Variants in DCC observed in about 807,000 individuals in gnomAD.
DCC encodes the protein netrin receptor DCC.
Under a neutral mutation model 172.5 loss-of-function variants are expected in DCC, and 58 were observed. That is an observed-to-expected ratio of 0.34 (90% CI 0.27 to 0.42). DCC has a LOEUF of 0.42. Among genes scored for constraint, DCC ranks in the 10% least tolerant of loss-of-function variants. DCC has a pLI of 1.00. For missense variants in DCC, 1,740 were observed against 1,791.0 expected (o/e 0.97, Z 0.51); for synonymous variants, 709 against 644.5 (o/e 1.10, Z -1.52).
intron 2 of DCC, among the ~76,000 whole-genome samples, chr18:52,829,736 G>C (rs2038579177): frequency 6.6e-6 from 1 of 152,034 alleles, no homozygotes; most frequent in Admixed American, 6.6e-5. Flanking sequence ...TTTTTGCCAG[G>C]AACTGTTCTA....
At chr18:52,794,351 GT>G (rs2037832300) in intron 2 of DCC, among the ~76,000 whole-genome samples, 1 of 151,882 alleles carries the variant, frequency 6.6e-6, no homozygotes, top group Admixed American at 6.6e-5. Flanking sequence ...TTTTTTTGTA[GT>G]TGTAGAAGTC....
In DCC at chr18:53,530,949, G is replaced by A; in HGVS notation, c.*296G>A. 1 of 496,878 alleles carries A rather than the reference G, an allele frequency of 2.0e-6. No homozygotes were observed. Among genetic ancestry groups the A allele is most frequent in the Non-Finnish European group, 3.7e-6 (1 of 271,694 alleles). 30.8% of individuals were successfully genotyped at this position (496,878 alleles called of 1,614,324 possible). The stretch of plus-strand genomic sequence containing the variant: ...AGTCATGGGCCTTTGTCACTGCAGT[G>A]ACCACACTGTCATAACTAATACCTA... On this transcript the variant is annotated 3_prime_UTR_variant, in exon 29 of 29. Transcript: ENST00000442544.
Position 52,448,460 on chromosome 18 carries a change from G to C in DCC, c.91+107582G>C, listed in dbSNP as rs79646469. Among the ~76,000 whole-genome samples, 50 of 151,440 alleles carry C rather than the reference G, an allele frequency of 3.3e-4. No homozygotes were observed. The East Asian group carries it at 9.3e-3, about 28-fold the overall frequency. ...GGAAATACTGATAGATAAATTTATAGAGTTTTTTTTTTAATTATTGGCTAA... is the reference window on the plus strand; with the variant it reads ...GGAAATACTGATAGATAAATTTATACAGTTTTTTTTTTAATTATTGGCTAA... On this transcript the variant is annotated intron_variant, in intron 1 of 28. Coordinates refer to ENST00000442544, the MANE Select transcript of DCC (RefSeq NM_005215.4).
chr18:53,132,417 A>T (rs1206545943), intron 7 of DCC, among the ~76,000 whole-genome samples: 1 of 152,018 alleles, frequency 6.6e-6, no homozygotes, highest in Non-Finnish European at 1.5e-5. Flanking sequence ...TTCACATTTC[A>T]TCTAGAAAGA....
intron 5 of DCC, among the ~76,000 whole-genome samples, chr18:53,045,979 C>T (rs184339728): frequency 2.0e-5 from 3 of 151,858 alleles, no homozygotes; most frequent in Admixed American, 6.6e-5. Context: ...CTAACCTGTC[C>T]GTTTCACACA....
At chr18:52,631,382 G>T (rs1178177059) in intron 1 of DCC, among the ~76,000 whole-genome samples, 1 of 152,196 alleles carries the variant, frequency 6.6e-6, no homozygotes, top group East Asian at 1.9e-4. Context: ...TCAATAGGAG[G>T]TCTCCAAAAT....
At chr18:52,478,288 C>A (rs1337020334) in intron 1 of DCC, among the ~76,000 whole-genome samples, 1 of 152,148 alleles carries the variant, frequency 6.6e-6, no homozygotes, top group African/African-American at 2.4e-5. Flanking sequence ...CCTCTCATAT[C>A]AAATGTGTCT....
chr18:52,477,187 A>C (rs543022303), intron 1 of DCC, among the ~76,000 whole-genome samples: 74 of 152,170 alleles, frequency 4.9e-4, no homozygotes, highest in South Asian at 2.1e-3. Flanking sequence ...TGTATCATCA[A>C]TCTCCATCTT....
chr18:53,109,517 T>C (rs983210238), intron 7 of DCC, among the ~76,000 whole-genome samples: 4 of 151,628 alleles, frequency 2.6e-5, no homozygotes, highest in African/African-American at 9.7e-5. Context: ...TGTGTGTGTG[T>C]GTCTGTCCGT....
intron 12 of DCC, among the ~76,000 whole-genome samples, chr18:53,257,988 T>G (rs554445633): frequency 6.6e-6 from 1 of 152,184 alleles, no homozygotes; most frequent in Non-Finnish European, 1.5e-5. Context: ...GATTTTCTAG[T>G]TTATTTGTGT....
intron 21 of DCC, among the ~76,000 whole-genome samples, chr18:53,418,914 A>T (rs1411617239): frequency 6.6e-6 from 1 of 152,156 alleles, no homozygotes; most frequent in East Asian, 1.9e-4. Context: ...CATTTTTAAA[A>T]CTTTCTAATC....
intron 2 of DCC, among the ~76,000 whole-genome samples, chr18:52,843,186 G>C (rs561361762): frequency 6.6e-6 from 1 of 152,270 alleles, no homozygotes; most frequent in East Asian, 1.9e-4. Flanking sequence ...CAAATTATTA[G>C]TTAAATGTAT....
intron 26 of DCC, among the ~76,000 whole-genome samples, chr18:53,492,587 G>A (rs1024541753): frequency 2.0e-5 from 3 of 152,050 alleles, no homozygotes; most frequent in Non-Finnish European, 2.9e-5. Flanking sequence ...GCCTGTTTTT[G>A]TCAGGTTTGT....
intron 28 of DCC, among the ~76,000 whole-genome samples, chr18:53,527,631 A>G (rs983375433): frequency 1.4e-4 from 22 of 152,024 alleles, no homozygotes; most frequent in African/African-American, 5.1e-4. Flanking sequence ...AAATAAGCTA[A>G]AAAGGGTTCC....
chr18:53,452,927 G>GTTTT (rs1161765864), intron 23 of DCC, among the ~76,000 whole-genome samples: 1 of 146,468 alleles, frequency 6.8e-6, no homozygotes, highest in Non-Finnish European at 1.5e-5. Context: ...TTGTTTGTTT[G>GTTTT]TTTTTTGAGA....
chr18:53,194,286 T>G (rs1221113784), intron 9 of DCC, among the ~76,000 whole-genome samples: 2 of 151,982 alleles, frequency 1.3e-5, no homozygotes, highest in African/African-American at 2.4e-5. Flanking sequence ...AAACATCAAT[T>G]TATGGTTTGT....
intron 9 of DCC, among the ~76,000 whole-genome samples, chr18:53,181,601 C>T (rs918110760): frequency 5.3e-5 from 8 of 151,996 alleles, no homozygotes; most frequent in African/African-American, 1.9e-4. Flanking sequence ...TTGTATCACA[C>T]ATATGGCCTT....
chr18:53,063,952 T>C (rs2042533054), intron 6 of DCC, among the ~76,000 whole-genome samples: 2 of 152,104 alleles, frequency 1.3e-5, no homozygotes, highest in South Asian at 2.1e-4. Context: ...ACATGAGCCA[T>C]TGAGAAAGGC....
chr18:53,184,214 C>T (rs1282743386), intron 9 of DCC, among the ~76,000 whole-genome samples: 1 of 152,046 alleles, frequency 6.6e-6, no homozygotes, highest in Non-Finnish European at 1.5e-5. Context: ...CCCTAATTAA[C>T]CTCTCCTTAG....
Sources: gnomAD v4.1 joint callset for allele counts (sites outside exome capture counted in the v4.1 genomes callset) on GRCh38, gnomAD v4.1.1 for gene constraint, MANE v1.5 for transcripts, NCBI Gene and HGNC (gene_info 2026-07-23, HGNC 2026-07-21) for gene names.